The following TANK variants were observed in gnomAD, a reference collection of about 807,000 sequenced individuals.
TANK encodes TRAF family member-associated NF-kappa-B activator.
Under a neutral mutation model 43.6 loss-of-function variants are expected in TANK, and 15 were observed. The observed-to-expected ratio is 0.34, with a 90% confidence interval of 0.23 to 0.53. TANK has a LOEUF of 0.53. Ranked by LOEUF, TANK falls within the 20% of genes least tolerant of loss-of-function variation. TANK has a pLI of 0.94. For synonymous variants in TANK, 162 were observed against 178.2 expected, an observed-to-expected ratio of 0.91 and a Z score of 0.73; for missense variants, 417 against 498.6, an observed-to-expected ratio of 0.84 and a Z score of 1.56.
intron 7 of TANK, among the ~76,000 whole-genome samples, chr2:161,232,405 AAG>A (rs1687958911): frequency 6.6e-6 from 1 of 152,204 alleles, no homozygotes; most frequent in African/African-American, 2.4e-5. Context: ...TTTTTTAAAA[AAG>A]TTATTAATAC....
At chr2:161,145,072 G>T (rs1283854010) in intron 1 of TANK, among the ~76,000 whole-genome samples, 1 of 142,984 alleles carries the variant, frequency 7.0e-6, no homozygotes, top group Non-Finnish European at 1.5e-5. Context: ...TGTCTTTTTT[G>T]ATCTTTGTTG....
At chr2:161,208,645 C>G (rs998869667) in intron 4 of TANK, among the ~76,000 whole-genome samples, 4 of 152,044 alleles carry the variant, frequency 2.6e-5, no homozygotes, top group African/African-American at 9.7e-5. Context: ...AGGATGTGGA[C>G]AAGGACTGCA....
chr2:161,181,345 A>C (rs1685415266), intron 2 of TANK, among the ~76,000 whole-genome samples: 1 of 152,150 alleles, frequency 6.6e-6, no homozygotes. Flanking sequence ...ACTTGAACCT[A>C]GGAGGCGGAA....
In TANK at chr2:161,213,643, G is replaced by GT. The variant is rs1312644782; in HGVS notation, c.327+8863dup. Among the ~76,000 whole-genome samples the GT allele has an allele frequency of 2.1e-3, 280 of 136,530 alleles. 1 individual carries two copies. Among genetic ancestry groups the GT allele is most frequent in the South Asian group, 5.5e-3 (24 of 4,356 alleles). The allele number at this position is 136,530 out of a possible 152,430, so 89.6% of individuals were successfully genotyped here. On this transcript the variant is annotated intron_variant, in intron 4 of 7. Coordinates refer to ENST00000392749, the MANE Select transcript of TANK (RefSeq NM_001199135.3). The stretch of plus-strand genomic sequence containing the variant: ...AAATTTCTCTAAATCTGTTTTGAAG[G>GT]TTTTTTTTTTTTTCAGTGTTATGAA...
At chr2:161,195,095 G>A (rs1381841681) in intron 2 of TANK, among the ~76,000 whole-genome samples, 1 of 152,152 alleles carries the variant, frequency 6.6e-6, no homozygotes, top group East Asian at 1.9e-4. Flanking sequence ...CCAGAAATAT[G>A]TCGTGTTAAA....
chr2:161,179,632 C>G lies in TANK; in HGVS notation c.-31C>G, dbSNP rs919925817. On this transcript the variant is annotated 5_prime_UTR_variant, in exon 2 of 8. In the 5' UTR this introduces an upstream ATG that the reference lacks. Transcript: ENST00000392749. ...TTTGCAGACCTGTCATTTACTCCATCCTTTATAGTGATGCTACAGGACGAA... is the reference window on the plus strand; with the variant it reads ...TTTGCAGACCTGTCATTTACTCCATGCTTTATAGTGATGCTACAGGACGAA... 1.2e-6 allele frequency: 2 copies of G among 1,611,414 alleles called. No homozygotes were observed. The highest frequency in any genetic ancestry group is 1.7e-6 in the Non-Finnish European group (2 of 1,178,666).
At chr2:161,145,118 G>C (rs1683868219) in intron 1 of TANK, among the ~76,000 whole-genome samples, 1 of 142,466 alleles carries the variant, frequency 7.0e-6, no homozygotes, top group African/African-American at 2.6e-5. Flanking sequence ...TAGGAGACTA[G>C]GACTGCAACC....
At chr2:161,223,683 C>T (rs13008413) in intron 4 of TANK, 8,637 of 318,994 alleles carry the variant, frequency 0.027, 153 homozygotes, top group Non-Finnish European at 0.035. Context: ...ATTGAAGTTA[C>T]CAGAAATATT....
intron 1 of TANK, among the ~76,000 whole-genome samples, chr2:161,173,518 C>T (rs1387634507): frequency 6.6e-6 from 1 of 152,010 alleles, no homozygotes; most frequent in Non-Finnish European, 1.5e-5. Flanking sequence ...TAACAGTTTT[C>T]TTCTTCTTTT....
intron 4 of TANK, among the ~76,000 whole-genome samples, chr2:161,214,998 A>G (rs1004068384): frequency 7.2e-5 from 11 of 152,200 alleles, no homozygotes; most frequent in Admixed American, 6.5e-4. Flanking sequence ...AGAGGGAGAC[A>G]TTACCTAGTC....
intron 6 of TANK, among the ~76,000 whole-genome samples, 174 bp from the exon 7 acceptor site, chr2:161,230,797 C>T (rs935419132): frequency 2.0e-5 from 3 of 152,210 alleles, no homozygotes; most frequent in Admixed American, 1.3e-4. Flanking sequence ...AGTTCACCCG[C>T]TGGAGACTGC....
intron 7 of TANK, 105 bp downstream of exon 7, chr2:161,231,656 C>T: frequency 9.6e-7 from 1 of 1,036,878 alleles, no homozygotes; most frequent in East Asian, 2.6e-5. Context: ...CCTTTTTAAA[C>T]TACTGACAGC....
rs1480807935 is a variant in TANK, at chr2:161,232,870, T to TG, written c.1101+1320dup. ...TTAAAAAATTCAGGAGAATTAGTGT[T>TG]GAGTTGTCACAAGACATGGGGCATA... On this transcript the variant is annotated intron_variant, in intron 7 of 7. Coordinates refer to ENST00000392749, the MANE Select transcript of TANK (RefSeq NM_001199135.3). The TG allele has an allele frequency of 3.2e-6, 5 of 1,547,424 alleles. No individual in the cohort carries two copies. The South Asian group carries it at 6.0e-5, about 19-fold the overall frequency.
Position 161,174,185 on chromosome 2 carries a change from T to C in TANK, c.-49-5429T>C, listed in dbSNP as rs186983029. On this transcript the variant is annotated intron_variant, in intron 1 of 7. Coordinates refer to ENST00000392749, the MANE Select transcript of TANK (RefSeq NM_001199135.3). ...CTATGTATGATGTGAAAAGTGATGTTCAGAGTTCAGTAAATGGCTAGGAAA... is the reference window on the plus strand; with the variant it reads ...CTATGTATGATGTGAAAAGTGATGTCCAGAGTTCAGTAAATGGCTAGGAAA... Among the ~76,000 whole-genome samples, 10 of 152,294 alleles carry C rather than the reference T, an allele frequency of 6.6e-5. No individual in the cohort carries two copies. The East Asian group carries it at 1.9e-3, about 29-fold the overall frequency.
chr2:161,140,813 G>A (rs542318894), intron 1 of TANK, among the ~76,000 whole-genome samples: 1 of 150,212 alleles, frequency 6.7e-6, no homozygotes, highest in Non-Finnish European at 1.5e-5. Context: ...GATAGTAAGG[G>A]TTTTTTTTTA....
chr2:161,208,632 G>T (rs1182411889), intron 4 of TANK, among the ~76,000 whole-genome samples: 1 of 152,154 alleles, frequency 6.6e-6, no homozygotes, highest in Non-Finnish European at 1.5e-5. Context: ...TTATGTTGAA[G>T]TCAGGATGTG....
intron 1 of TANK, among the ~76,000 whole-genome samples, chr2:161,174,066 G>A (rs1685072463): frequency 6.6e-6 from 1 of 151,972 alleles, no homozygotes; most frequent in South Asian, 2.1e-4. Context: ...TAGATATTGA[G>A]GAACAAATAA....
At chr2:161,198,135 C>G (rs1479301350) in intron 2 of TANK, among the ~76,000 whole-genome samples, 2 of 152,174 alleles carry the variant, frequency 1.3e-5, no homozygotes, top group African/African-American at 4.8e-5. Flanking sequence ...CAGTTATATG[C>G]TTCCAAAAGA....
chr2:161,215,377 A>G (rs1165683268), intron 4 of TANK, among the ~76,000 whole-genome samples: 2 of 152,194 alleles, frequency 1.3e-5, no homozygotes, highest in African/African-American at 4.8e-5. Context: ...TTCTTTTCAC[A>G]TACATTGGAT....
Sources: gnomAD v4.1 joint callset for allele counts (sites outside exome capture counted in the v4.1 genomes callset) on GRCh38, gnomAD v4.1.1 for gene constraint, MANE v1.5 for transcripts, NCBI Gene and HGNC (gene_info 2026-07-23, HGNC 2026-07-21) for gene names.